Variants in ANKFY1 observed in about 807,000 individuals in gnomAD.
ANKFY1 encodes the protein ankyrin repeat and FYVE domain-containing protein 1.
ANKFY1 carries 47 observed loss-of-function variants against 128.3 expected under a neutral mutation model. The observed-to-expected ratio is 0.37, with a 90% CI of 0.29 to 0.47. ANKFY1 has a LOEUF of 0.47. Among genes scored for constraint, ANKFY1 ranks in the 20% least tolerant of loss-of-function variants. ANKFY1 has a pLI of 1.00. For missense variants in ANKFY1, 1,222 were observed against 1,510.6 expected, an observed-to-expected ratio of 0.81 and a Z score of 3.17; for synonymous variants, 553 against 601.6, an observed-to-expected ratio of 0.92 and a Z score of 1.18.
chr17:4,212,739 T>C (rs9911026), intron 4 of ANKFY1, among the ~76,000 whole-genome samples: 1 of 149,762 alleles, frequency 6.7e-6, no homozygotes, highest in African/African-American at 2.4e-5. Context: ...AGGAAGGTCA[T>C]GAGAAAGACC....
chr17:4,223,291 A>C lies in ANKFY1; in HGVS notation c.323-6173T>G, dbSNP rs112554848. 177 of 1,013,156 alleles carry C rather than the reference A, an allele frequency of 1.7e-4. 2 individuals are homozygous for C. The African/African-American group carries it at 2.3e-3, about 13-fold the overall frequency. 62.8% of individuals were successfully genotyped at this position (1,013,156 alleles called of 1,614,324 possible). Reference sequence around the variant, plus strand: ...ACTGAGGGAATCTTCACTTGTTTTTACGGCAGTGCAAGTTAGTAGAGGCCA... The same window carrying C: ...ACTGAGGGAATCTTCACTTGTTTTTCCGGCAGTGCAAGTTAGTAGAGGCCA... On this transcript the variant is annotated intron_variant, in intron 3 of 24. Coordinates refer to ENST00000341657, the MANE Select transcript of ANKFY1 (RefSeq NM_001330063.2).
At position 4,209,828 on chromosome 17, in the gene ANKFY1, T is replaced by C; in HGVS notation, c.578A>G (p.His193Arg). 1.2e-6 allele frequency: 2 copies of C among 1,612,230 alleles called. No individual in the cohort carries two copies. Among genetic ancestry groups the C allele is most frequent in the East Asian group, 2.2e-5 (1 of 44,804 alleles). The part of the protein sequence containing the change: ...MNYCAEIIAS[H>R]WDDLRKEDFS... ...GACACCCTCAACCTCACTCACCCAA[T>C]GACTTGCAATAATTTCTGCACAGTA... Residue 193 changes from histidine to arginine, a missense_variant, in exon 5 of 25, where the codon CAT becomes CGT. Physicochemically the swap from His to Arg is conservative, Grantham distance 29. Coordinates refer to ENST00000341657, the MANE Select transcript of ANKFY1 (RefSeq NM_001330063.2).
chr17:4,180,799 C>T (rs893096508), intron 16 of ANKFY1, among the ~76,000 whole-genome samples: 14 of 150,028 alleles, frequency 9.3e-5, no homozygotes, highest in Non-Finnish European at 1.8e-4. Flanking sequence ...GAAAGAAAAC[C>T]AGAAAACCAT....
intron 7 of ANKFY1, among the ~76,000 whole-genome samples, chr17:4,204,063 T>C (rs2059981540): frequency 6.6e-6 from 1 of 152,160 alleles, no homozygotes; most frequent in Admixed American, 6.5e-5. Flanking sequence ...CTGGTATACT[T>C]GGTTATTAGG....
At position 4,181,761 on chromosome 17, in the gene ANKFY1, G is replaced by A. The variant is rs938630263; in HGVS notation, c.2122-389C>T. On this transcript the variant is annotated intron_variant, in intron 15 of 24. Coordinates refer to ENST00000341657, the MANE Select transcript of ANKFY1 (RefSeq NM_001330063.2). This position sits in a 1 kb window ranked among gnomAD's most constrained non-coding sequence, Gnocchi z 4.9. ...TAGGTAAAACCTCCAGGTGCACAAC[G>A]CCTTCATATCACACTGCAGGCCCTT... Among the ~76,000 whole-genome samples the A allele has an allele frequency of 2.6e-5, 4 of 152,168 alleles. No homozygotes were observed. The highest frequency in any genetic ancestry group is 1.3e-4 in the Admixed American group (2 of 15,270).
intron 3 of ANKFY1, chr17:4,222,286 G>A (rs1005977906): frequency 1.4e-5 from 9 of 663,792 alleles, no homozygotes; most frequent in Non-Finnish European, 2.5e-5. Context: ...CTACCTGAGT[G>A]AGGATGAGGT....
At chr17:4,209,270 T>C (rs2060082679) in intron 5 of ANKFY1, among the ~76,000 whole-genome samples, 1 of 152,212 alleles carries the variant, frequency 6.6e-6, no homozygotes, top group Non-Finnish European at 1.5e-5. Context: ...AGGCAGGTGA[T>C]GCTTCCAAGC....
chr17:4,223,823 C>A, intron 3 of ANKFY1: 1 of 1,361,858 alleles, frequency 7.3e-7, no homozygotes, highest in East Asian at 2.4e-5. Context: ...TGGGGGCCTA[C>A]GTCTGACTCT....
intron 2 of ANKFY1, 127 bp downstream of exon 2, chr17:4,242,129 C>A: frequency 1.0e-6 from 1 of 959,658 alleles, no homozygotes; most frequent in Non-Finnish European, 1.4e-6. Flanking sequence ...AGCTTCTATT[C>A]TAGGGAATCG....
chr17:4,240,394 A>ATT (rs1322212146), intron 2 of ANKFY1, among the ~76,000 whole-genome samples: 224 of 114,722 alleles, frequency 2.0e-3, no homozygotes, highest in Middle Eastern at 0.013. Context: ...TTATTTATTT[A>ATT]TTTATTTATT....
chr17:4,252,187 T>C (rs1269328498), intron 1 of ANKFY1, among the ~76,000 whole-genome samples: 1 of 152,154 alleles, frequency 6.6e-6, no homozygotes, highest in East Asian at 1.9e-4. Flanking sequence ...TGTGCATCAT[T>C]AGTAATTAAG....
chr17:4,185,719 C>T (rs1340752825), intron 11 of ANKFY1, among the ~76,000 whole-genome samples: 1 of 136,422 alleles, frequency 7.3e-6, no homozygotes, highest in Admixed American at 8.1e-5. Context: ...CTTTAACCAC[C>T]CTTCGCTTTG....
intron 6 of ANKFY1, 58 bp downstream of exon 6, chr17:4,207,875 G>A (rs1364518137): frequency 3.9e-5 from 58 of 1,492,424 alleles, no homozygotes; most frequent in Non-Finnish European, 5.1e-5. Flanking sequence ...GTACCACGGA[G>A]AAAGACAAGT....
At position 4,197,409 on chromosome 17, in the gene ANKFY1, G is replaced by C. The variant is rs1234484498; in HGVS notation, c.1067C>G (p.Ala356Gly). ...GTCCTGCATGTTGGGGTTGGCACCA[G>C]CCTGCAGAAGGGCCTCTGCAATCTG... ...MAQIAEALLQ[A>G]GANPNMQDSK... The change falls in exon 8 of 25, where the codon GCT (alanine) becomes GGT (glycine). Residue 356 changes from alanine (A) to glycine (G), a missense_variant. Coordinates refer to ENST00000341657, the MANE Select transcript of ANKFY1 (RefSeq NM_001330063.2). The C allele has an allele frequency of 2.5e-6, 4 of 1,614,210 alleles. No homozygotes were observed. The highest frequency in any genetic ancestry group is 1.7e-5 in the Admixed American group (1 of 60,026).
intron 1 of ANKFY1, among the ~76,000 whole-genome samples, chr17:4,243,367 C>CTT (rs60693230): frequency 6.8e-6 from 1 of 147,148 alleles, no homozygotes; most frequent in Non-Finnish European, 1.5e-5. Context: ...CGCCCAGCCT[C>CTT]TTTTTTTTTT....
chr17:4,259,484 G>A (rs1175361886), intron 1 of ANKFY1, among the ~76,000 whole-genome samples: 2 of 152,188 alleles, frequency 1.3e-5, no homozygotes, highest in Non-Finnish European at 2.9e-5. Flanking sequence ...GTTCCACCAT[G>A]TTGGTCAGGC....
intron 11 of ANKFY1, among the ~76,000 whole-genome samples, chr17:4,185,659 C>T (rs568692439): frequency 1.5e-3 from 231 of 152,322 alleles, no homozygotes; most frequent in Non-Finnish European, 2.6e-3. Flanking sequence ...AGTGTCTTCC[C>T]CAAGCACCTT....
At chr17:4,202,549 T>C (rs920251266) in intron 7 of ANKFY1, among the ~76,000 whole-genome samples, 4 of 147,860 alleles carry the variant, frequency 2.7e-5, no homozygotes, top group African/African-American at 1.0e-4. Context: ...ATACAAAAAT[T>C]AGCCGGGCAT....
intron 10 of ANKFY1, chr17:4,191,142 A>G (rs1404310722): frequency 2.0e-5 from 3 of 152,306 alleles, no homozygotes; most frequent in African/African-American, 7.2e-5. Flanking sequence ...TCTCAAAACA[A>G]ACAAACAAAA....
Sources: allele counts gnomAD v4.1 joint callset (sites outside exome capture counted in the v4.1 genomes callset), GRCh38; gene constraint gnomAD v4.1.1; non-coding constraint Gnocchi (gnomAD v3.1); transcripts MANE v1.5; gene names NCBI Gene and HGNC (gene_info 2026-07-23, HGNC 2026-07-21).